The following PLPPR5 variants were observed in gnomAD, a reference collection of about 807,000 sequenced individuals.
The protein encoded by PLPPR5 is phospholipid phosphatase related 5, also known as phospholipid phosphatase-related protein type 5.
A neutral mutation model predicts 33.9 loss-of-function variants in PLPPR5; 16 were observed. The observed-to-expected ratio is 0.47, with a 90% CI of 0.32 to 0.72. The LOEUF is 0.72. Among genes scored for constraint, PLPPR5 ranks in the 30% least tolerant of loss-of-function variants. The pLI is 0.03. For missense variants in PLPPR5, 301 were observed against 406.7 expected, an observed-to-expected ratio of 0.74 and a Z score of 2.23; for synonymous variants, 163 against 150.3, an observed-to-expected ratio of 1.08 and a Z score of -0.62.
intron 1 of PLPPR5, among the ~76,000 whole-genome samples, chr1:98,964,865 G>A (rs1272898689): frequency 6.6e-6 from 1 of 152,012 alleles, no homozygotes; most frequent in African/African-American, 2.4e-5. Context: ...GTGCCATGGT[G>A]CAATCACAGC....
rs1434482222 is a variant in PLPPR5, at chr1:98,891,030, C to T, written c.*2042G>A. Reference sequence around the variant, plus strand: ...ATAGAACTGATAGAAGTCTGGAAGCCTTACTAGTAATCTAGCTTTCTAAGA... The same window carrying T: ...ATAGAACTGATAGAAGTCTGGAAGCTTTACTAGTAATCTAGCTTTCTAAGA... On this transcript the variant is annotated 3_prime_UTR_variant, in exon 6 of 6. Coordinates refer to ENST00000263177, the MANE Select transcript of PLPPR5 (RefSeq NM_001037317.2). 1 of 152,106 alleles carries T rather than the reference C, an allele frequency of 6.6e-6. No individual in the cohort carries two copies. The highest frequency in any genetic ancestry group is 1.5e-5 in the Non-Finnish European group (1 of 68,018). The allele number at this position is 152,106 out of a possible 1,614,324, so 9.4% of individuals were successfully genotyped here.
intron 5 of PLPPR5, among the ~76,000 whole-genome samples, chr1:98,899,655 C>CTT (rs1214385487): frequency 0.038 from 5,203 of 138,342 alleles, 394 homozygotes; most frequent in African/African-American, 0.13. Flanking sequence ...GTTTATTTCA[C>CTT]TTGTTTTTTT....
intron 1 of PLPPR5, among the ~76,000 whole-genome samples, chr1:98,969,523 A>C (rs960996205): frequency 1.3e-5 from 2 of 152,038 alleles, no homozygotes; most frequent in Non-Finnish European, 2.9e-5. Flanking sequence ...GGAGGATATA[A>C]GGATTTACCT....
intron 1 of PLPPR5, among the ~76,000 whole-genome samples, chr1:98,964,973 A>ATTTTT (rs566402306): frequency 6.8e-4 from 83 of 121,436 alleles, no homozygotes; most frequent in Non-Finnish European, 9.8e-4. Context: ...TTAATTTTTG[A>ATTTTT]TTTTTTTTTT....
chr1:98,890,936 A>T lies in PLPPR5; in HGVS notation c.*2136T>A, dbSNP rs1366588260. ...GCAAAGAAGCAACCTTGACATAAGA[A>T]TATATGGCTAAGGCTTCCAACAGGA... On this transcript the variant is annotated 3_prime_UTR_variant, in exon 6 of 6. Transcript: ENST00000263177. 1 of 152,148 alleles carries T rather than the reference A, an allele frequency of 6.6e-6. No individual in the cohort carries two copies. The highest frequency in any genetic ancestry group is 1.9e-4 in the East Asian group (1 of 5,178). 9.4% of individuals were successfully genotyped at this position (152,148 alleles called of 1,614,324 possible). A position where few individuals can be genotyped will look rare whatever the true frequency, so the allele number is the denominator to read the frequency against.
chr1:98,931,036 A>G (rs1649947336), intron 3 of PLPPR5, among the ~76,000 whole-genome samples: 1 of 152,144 alleles, frequency 6.6e-6, no homozygotes, highest in African/African-American at 2.4e-5. Context: ...AAGGTGTCAA[A>G]ACACATCTCT....
At position 98,893,005 on chromosome 1, in the gene PLPPR5, T is replaced by G. The variant is rs1391927957; in HGVS notation, c.*67A>C. The G allele has an allele frequency of 2.6e-5, 38 of 1,455,808 alleles. No homozygotes were observed. The South Asian group carries it at 4.3e-4, about 17-fold the overall frequency. The allele number at this position is 1,455,808 out of a possible 1,614,324, so 90.2% of individuals were successfully genotyped here. ...ACTTCACTTGCAATCAAACAAACTT[T>G]GGGTGTTATGAATGGATGGTAAAAA... is the stretch of plus-strand genomic sequence containing the variant. On this transcript the variant is annotated 3_prime_UTR_variant, in exon 6 of 6. Transcript: ENST00000263177.
intron 5 of PLPPR5, among the ~76,000 whole-genome samples, chr1:98,909,671 A>ATT (rs1341114489): frequency 1.3e-5 from 2 of 152,136 alleles, no homozygotes; most frequent in African/African-American, 4.8e-5. Flanking sequence ...TAAGGTCAAA[A>ATT]TTATCCAAAA....
intron 3 of PLPPR5, among the ~76,000 whole-genome samples, chr1:98,924,991 A>T (rs996151323): frequency 6.6e-6 from 1 of 152,206 alleles, no homozygotes; most frequent in Admixed American, 6.5e-5. Context: ...ATCAGTTGGC[A>T]TGGATGTTAC....
rs1648311076 is a variant in PLPPR5, at chr1:98,892,473, A to G, written c.*599T>C. ...CAGTCTTAGAATGTATAGTATGAAT[A>G]GTATTTTAAGTGAAATATAACATAA... On this transcript the variant is annotated 3_prime_UTR_variant, in exon 6 of 6. Coordinates refer to ENST00000263177, the MANE Select transcript of PLPPR5 (RefSeq NM_001037317.2). 1 of 152,570 alleles carries G rather than the reference A, an allele frequency of 6.6e-6. No individual in the cohort carries two copies. Among genetic ancestry groups the G allele is most frequent in the Non-Finnish European group, 1.5e-5 (1 of 68,050 alleles). 9.5% of individuals were successfully genotyped at this position (152,570 alleles called of 1,614,324 possible). A position where few individuals can be genotyped will look rare whatever the true frequency, so the allele number is the denominator to read the frequency against.
chr1:98,906,184 T>C (rs1648891072), intron 5 of PLPPR5, among the ~76,000 whole-genome samples: 1 of 145,982 alleles, frequency 6.9e-6, no homozygotes. Context: ...AGTGTGTGTG[T>C]ATATATATAT....
At chr1:98,908,790 CA>C (rs112079235) in intron 5 of PLPPR5, among the ~76,000 whole-genome samples, 136 of 152,198 alleles carry the variant, frequency 8.9e-4, no homozygotes, top group African/African-American at 3.1e-3. Flanking sequence ...GAGCTATCGC[CA>C]AGATTTCCAT....
At chr1:98,990,178 G>A (rs1652402256) in intron 1 of PLPPR5, among the ~76,000 whole-genome samples, 1 of 152,100 alleles carries the variant, frequency 6.6e-6, no homozygotes, top group African/African-American at 2.4e-5. Context: ...AGACCAGCCT[G>A]GCCAACATGG....
chr1:98,952,011 C>T (rs577530867), intron 3 of PLPPR5, among the ~76,000 whole-genome samples: 7 of 152,140 alleles, frequency 4.6e-5, no homozygotes, highest in Non-Finnish European at 5.9e-5. Flanking sequence ...GCCTGTAATG[C>T]CAGCACTTTG....
intron 3 of PLPPR5, among the ~76,000 whole-genome samples, chr1:98,931,963 C>T (rs1649992895): frequency 6.6e-6 from 1 of 152,136 alleles, no homozygotes; most frequent in Non-Finnish European, 1.5e-5. Context: ...GGATGTTAAA[C>T]TGGCCAGAAC....
chr1:98,971,108 C>T (rs1195634568), intron 1 of PLPPR5, among the ~76,000 whole-genome samples: 1 of 152,016 alleles, frequency 6.6e-6, no homozygotes, highest in Non-Finnish European at 1.5e-5. Flanking sequence ...ATGTTCATTT[C>T]TGCAGTGTTT....
chr1:98,922,117 C>A, intron 3 of PLPPR5, 59 bp from the exon 4 acceptor site: 1 of 1,478,526 alleles, frequency 6.8e-7, no homozygotes, highest in African/African-American at 1.4e-5. Flanking sequence ...ATTAGCATAG[C>A]ATATTATGTG....
At chr1:98,934,495 G>A (rs931834148) in intron 3 of PLPPR5, among the ~76,000 whole-genome samples, 1 of 152,122 alleles carries the variant, frequency 6.6e-6, no homozygotes, top group African/African-American at 2.4e-5. Context: ...CATTTATCCA[G>A]TTTCAAATAC....
At chr1:98,985,415 C>T (rs1217629324) in intron 1 of PLPPR5, among the ~76,000 whole-genome samples, 1 of 152,002 alleles carries the variant, frequency 6.6e-6, no homozygotes, top group Non-Finnish European at 1.5e-5. Context: ...TTTGGTGGAG[C>T]TGAAAAATTC....
Sources: gnomAD v4.1 joint callset for allele counts (sites outside exome capture counted in the v4.1 genomes callset) on GRCh38, gnomAD v4.1.1 for gene constraint, MANE v1.5 for transcripts, NCBI Gene and HGNC (gene_info 2026-07-23, HGNC 2026-07-21) for gene names.